MECOM: variants seen among roughly 807,000 people sequenced by gnomAD.
The protein encoded by MECOM is histone-lysine N-methyltransferase MECOM.
A neutral mutation model predicts 116.3 loss-of-function variants in MECOM; 13 were observed. The observed-to-expected ratio is 0.11, with a 90% CI of 0.07 to 0.18. MECOM has a LOEUF of 0.18. Among genes scored for constraint, MECOM ranks in the 10% least tolerant of loss-of-function variants. MECOM has a pLI of 1.00. For missense variants in MECOM, 1,299 were observed against 1,509.0 expected, an observed-to-expected ratio of 0.86 and a Z score of 2.31; for synonymous variants, 528 against 535.2, an observed-to-expected ratio of 0.99 and a Z score of 0.19.
chr3:169,339,797 T>A (rs1269268998), intron 2 of MECOM, among the ~76,000 whole-genome samples: 1 of 152,146 alleles, frequency 6.6e-6, no homozygotes, highest in Non-Finnish European at 1.5e-5. Context: ...TGCTCTCATA[T>A]AGATGGGTTA....
At chr3:169,404,728 G>T (rs1034107592) in intron 1 of MECOM, among the ~76,000 whole-genome samples, 1 of 152,150 alleles carries the variant, frequency 6.6e-6, no homozygotes, top group African/African-American at 2.4e-5. Context: ...CCGCCGGCCT[G>T]GTATTTGGCT....
Position 169,611,474 on chromosome 3 carries a change from C to T in MECOM, c.37+51862G>A, listed in dbSNP as rs1769270328. Among the ~76,000 whole-genome samples the T allele has an allele frequency of 6.6e-6, 1 of 152,162 alleles. No homozygotes were observed. Among genetic ancestry groups the T allele is most frequent in the Admixed American group, 6.5e-5 (1 of 15,282 alleles). On this transcript the variant is annotated intron_variant, in intron 1 of 16. Coordinates refer to ENST00000651503, the MANE Select transcript of MECOM (RefSeq NM_004991.4). This position sits in a 1 kb window ranked among gnomAD's most constrained non-coding sequence, Gnocchi z 4.1. ...GAATGAATGATGGAATAAACACCAA[C>T]ATGGGCAAACAAGCAAGTCAGGCAG...
At position 169,663,143 on chromosome 3, in the gene MECOM, C is replaced by A. The variant is rs1418839149; in HGVS notation, c.37+193G>T. 2.6e-5 allele frequency among the ~76,000 whole-genome samples: 4 copies of A among 151,292 alleles called. No individual in the cohort carries two copies. In the East Asian group the frequency reaches 7.9e-4, roughly 30 times the overall value. ...CTGCCCAGGCTCCTCCGGCGCCCAA[C>A]CCGGGAGCGAGAGCGCGGGCGACCG... On this transcript the variant is annotated intron_variant, in intron 1 of 16. Coordinates refer to ENST00000651503, the MANE Select transcript of MECOM (RefSeq NM_004991.4).
chr3:169,648,322 A>C (rs1774435043), intron 1 of MECOM, among the ~76,000 whole-genome samples: 1 of 152,210 alleles, frequency 6.6e-6, no homozygotes, highest in Non-Finnish European at 1.5e-5. Context: ...TCTGATATAC[A>C]GACCATGAGG....
intron 1 of MECOM, among the ~76,000 whole-genome samples, chr3:169,491,150 C>A (rs1169500259): frequency 6.6e-6 from 1 of 152,088 alleles, no homozygotes; most frequent in East Asian, 1.9e-4. Flanking sequence ...AGTCAATATG[C>A]CCAGTCTGAA....
rs544115212 is a variant in MECOM at position 169,263,291 on chromosome 3, G to A, written c.375+117896C>T. Among the ~76,000 whole-genome samples, 54 of 150,740 alleles carry A rather than the reference G, an allele frequency of 3.6e-4. 1 individual carries two copies. The East Asian group carries it at 0.011, about 30-fold the overall frequency. ...CTACAGGCGCCCGCCACCATGCTCG[G>A]TTAATCTTTTGTATTTTTAGTAGAC... On this transcript the variant is annotated intron_variant, in intron 2 of 16. Transcript: ENST00000651503.
intron 2 of MECOM, among the ~76,000 whole-genome samples, chr3:169,201,922 C>A (rs550371795): frequency 1.3e-5 from 2 of 152,078 alleles, no homozygotes; most frequent in East Asian, 3.9e-4. Context: ...ATGTGGTCAC[C>A]CACAGCCTGG....
chr3:169,406,531 C>T (rs558751790), intron 1 of MECOM, among the ~76,000 whole-genome samples: 1 of 152,170 alleles, frequency 6.6e-6, no homozygotes. Context: ...ATGAAGATAT[C>T]ATTTTTAGTT....
intron 2 of MECOM, among the ~76,000 whole-genome samples, chr3:169,277,160 A>G (rs1759695881): frequency 6.6e-6 from 1 of 152,176 alleles, no homozygotes; most frequent in Non-Finnish European, 1.5e-5. Flanking sequence ...GAAAATGGGT[A>G]TGTATATTAT....
intron 1 of MECOM, among the ~76,000 whole-genome samples, chr3:169,569,976 A>C (rs1369067233): frequency 6.6e-6 from 1 of 152,202 alleles, no homozygotes; most frequent in Non-Finnish European, 1.5e-5. Flanking sequence ...AACAGAAGAA[A>C]TAACTAAGAT....
intron 1 of MECOM, among the ~76,000 whole-genome samples, chr3:169,634,417 A>T (rs1772468767): frequency 6.6e-6 from 1 of 152,186 alleles, no homozygotes; most frequent in South Asian, 2.1e-4. Context: ...AAGTTTATCC[A>T]AGTCACTGTT....
intron 1 of MECOM, among the ~76,000 whole-genome samples, chr3:169,525,017 TA>T (rs1757804642): frequency 1.3e-5 from 2 of 151,994 alleles, no homozygotes; most frequent in Non-Finnish European, 2.9e-5. Flanking sequence ...CTGTCCCTGA[TA>T]AGATATTCCA....
At position 169,273,412 on chromosome 3, in the gene MECOM, C is replaced by T. The variant is rs146654117; in HGVS notation, c.375+107775G>A. Reference sequence around the variant, plus strand: ...AGTTCTCATCACAAAGAGTAAAAACCATCATGCTTCCACATAGAAATAAGC... The same window carrying T: ...AGTTCTCATCACAAAGAGTAAAAACTATCATGCTTCCACATAGAAATAAGC... On this transcript the variant is annotated intron_variant, in intron 2 of 16. Transcript: ENST00000651503. Among the ~76,000 whole-genome samples the T allele has an allele frequency of 2.6e-4, 40 of 152,264 alleles. 1 individual carries two copies. In the East Asian group the frequency reaches 6.8e-3, roughly 26 times the overall value.
intron 2 of MECOM, among the ~76,000 whole-genome samples, chr3:169,287,205 T>C (rs1713502482): frequency 6.6e-6 from 1 of 152,116 alleles, no homozygotes; most frequent in South Asian, 2.1e-4. Flanking sequence ...CCCTAACAGG[T>C]AAGGCCTCCA....
Position 169,441,637 on chromosome 3 carries a change from A to G in MECOM, c.38-60113T>C, listed in dbSNP as rs1193427218. ...AGTTGCTACAATGGACTTGTCTGCA[A>G]TTATGTCAAATATGCATAAAATTTT... On this transcript the variant is annotated intron_variant, in intron 1 of 16. Coordinates refer to ENST00000651503, the MANE Select transcript of MECOM (RefSeq NM_004991.4). 2.0e-5 allele frequency among the ~76,000 whole-genome samples: 3 copies of G among 152,236 alleles called. No homozygotes were observed. In the East Asian group the frequency reaches 5.8e-4, roughly 29 times the overall value.
At chr3:169,352,424 A>C (rs1452838260) in intron 2 of MECOM, among the ~76,000 whole-genome samples, 3 of 151,922 alleles carry the variant, frequency 2.0e-5, no homozygotes, top group Non-Finnish European at 4.4e-5. Context: ...TAACTTTACT[A>C]TGAAATTATC....
At chr3:169,418,125 C>CAA (rs568727385) in intron 1 of MECOM, among the ~76,000 whole-genome samples, 1 of 118,160 alleles carries the variant, frequency 8.5e-6, no homozygotes, top group Non-Finnish European at 1.9e-5. Flanking sequence ...AAAAACTAAA[C>CAA]AAAAAAAAAA....
intron 13 of MECOM, among the ~76,000 whole-genome samples, chr3:169,094,608 T>G (rs1720918085): frequency 6.6e-6 from 1 of 152,204 alleles, no homozygotes; most frequent in Non-Finnish European, 1.5e-5. Flanking sequence ...ATATTCCCAG[T>G]CTTAACAAAA....
chr3:169,654,827 C>G (rs1775343497), intron 1 of MECOM, among the ~76,000 whole-genome samples: 2 of 151,628 alleles, frequency 1.3e-5, no homozygotes, highest in South Asian at 2.1e-4. Flanking sequence ...CACACACACA[C>G]ACACACACAC....
Sources: allele counts gnomAD v4.1 joint callset (sites outside exome capture counted in the v4.1 genomes callset), GRCh38; gene constraint gnomAD v4.1.1; non-coding constraint Gnocchi (gnomAD v3.1); transcripts MANE v1.5; gene names NCBI Gene and HGNC (gene_info 2026-07-23, HGNC 2026-07-21).